The following DCDC1 variants were observed in gnomAD, a reference collection of about 807,000 sequenced individuals.
DCDC1 encodes doublecortin domain-containing protein 1.
A neutral mutation model predicts 178.3 loss-of-function variants in DCDC1; 200 were observed. The observed-to-expected ratio is 1.12, with a 90% CI of 1.00 to 1.26. The LOEUF (loss-of-function observed/expected upper bound fraction) is 1.26, where lower values mean the gene tolerates loss of function less well. Ranked by LOEUF, DCDC1 falls within the 50% of genes most tolerant of loss-of-function variation. DCDC1 has a pLI of 0.00. For synonymous variants in DCDC1, 690 were observed against 604.8 expected, an observed-to-expected ratio of 1.14 and a Z score of -2.07; for missense variants, 1,983 against 1,749.2, an observed-to-expected ratio of 1.13 and a Z score of -2.38.
chr11:31,287,648 T>C (rs1449227043), intron 7 of DCDC1, among the ~76,000 whole-genome samples: 1 of 151,944 alleles, frequency 6.6e-6, no homozygotes, highest in African/African-American at 2.4e-5. Context: ...CAAAAATCAA[T>C]GGAGCAATAC....
At chr11:30,961,181 T>A (rs1471737299) in intron 20 of DCDC1, among the ~76,000 whole-genome samples, 1 of 152,088 alleles carries the variant, frequency 6.6e-6, no homozygotes, top group African/African-American at 2.4e-5. Flanking sequence ...GAACTACAAC[T>A]ATGAAAATTT....
chr11:30,959,246 G>C (rs773938718), intron 20 of DCDC1, among the ~76,000 whole-genome samples: 41 of 152,058 alleles, frequency 2.7e-4, no homozygotes, highest in Non-Finnish European at 5.6e-4. Flanking sequence ...CCAACCCCTT[G>C]AGGCAGAATT....
At chr11:31,214,656 G>A (rs573214322) in intron 9 of DCDC1, among the ~76,000 whole-genome samples, 1 of 152,104 alleles carries the variant, frequency 6.6e-6, no homozygotes, top group African/African-American at 2.4e-5. Context: ...GATGACTGAG[G>A]TCTAATTTAA....
chr11:31,135,257 A>G (rs1345711346), intron 10 of DCDC1, among the ~76,000 whole-genome samples: 2 of 152,158 alleles, frequency 1.3e-5, no homozygotes, highest in Non-Finnish European at 2.9e-5. Context: ...TAAATTCACC[A>G]CCAAATTTTT....
chr11:31,049,218 A>T (rs1471961309), intron 20 of DCDC1, among the ~76,000 whole-genome samples: 3 of 152,182 alleles, frequency 2.0e-5, no homozygotes, highest in Non-Finnish European at 4.4e-5. Flanking sequence ...AGCTTTATAA[A>T]ATAGAAAGGA....
chr11:31,070,094 T>A (rs996184586), intron 18 of DCDC1, among the ~76,000 whole-genome samples: 4 of 152,208 alleles, frequency 2.6e-5, no homozygotes, highest in Non-Finnish European at 4.4e-5. Context: ...AATTTTCCCT[T>A]TGGAGTCATC....
intron 2 of DCDC1, among the ~76,000 whole-genome samples, chr11:31,331,214 T>G (rs1277802533): frequency 3.3e-5 from 5 of 152,240 alleles, no homozygotes; most frequent in African/African-American, 7.2e-5. Context: ...ATGCTTGTGA[T>G]TTTTGCACAT....
At chr11:31,137,401 G>A (rs564609676) in intron 10 of DCDC1, among the ~76,000 whole-genome samples, 1 of 149,252 alleles carries the variant, frequency 6.7e-6, no homozygotes, top group Admixed American at 6.7e-5. Context: ...CCAGGCTGGA[G>A]TGCAGTCGCG....
At chr11:30,884,130 C>T (rs1342279814) in intron 36 of DCDC1, among the ~76,000 whole-genome samples, 4 of 147,114 alleles carry the variant, frequency 2.7e-5, no homozygotes, top group Admixed American at 1.4e-4. Flanking sequence ...CTTCCCTAGG[C>T]TCAGGTGATC....
intron 17 of DCDC1, among the ~76,000 whole-genome samples, chr11:31,089,516 A>G (rs1435108066): frequency 2.0e-5 from 3 of 152,030 alleles, no homozygotes; most frequent in Non-Finnish European, 4.4e-5. Context: ...TATTTCCTCC[A>G]ATATTTTTCT....
At chr11:30,880,542 T>C (rs1308467899) in intron 37 of DCDC1, among the ~76,000 whole-genome samples, 1 of 152,196 alleles carries the variant, frequency 6.6e-6, no homozygotes, top group Admixed American at 6.5e-5. Flanking sequence ...TCTTTTAGTT[T>C]CCTTTAGAGT....
At chr11:31,350,117 C>G (rs1951001319) in intron 1 of DCDC1, among the ~76,000 whole-genome samples, 1 of 152,022 alleles carries the variant, frequency 6.6e-6, no homozygotes, top group African/African-American at 2.4e-5. Context: ...AAATGAATTA[C>G]TTTTTGGAAA....
chr11:31,313,921 A>T (rs1948913512), intron 3 of DCDC1, among the ~76,000 whole-genome samples: 1 of 152,192 alleles, frequency 6.6e-6, no homozygotes, highest in African/African-American at 2.4e-5. Flanking sequence ...TTTTCTTTTT[A>T]ATATTTCTGA....
intron 20 of DCDC1, among the ~76,000 whole-genome samples, chr11:31,008,925 A>G (rs1266118925): frequency 1.3e-5 from 2 of 152,212 alleles, no homozygotes; most frequent in African/African-American, 4.8e-5. Context: ...AAATAATCAC[A>G]ATGAAGGGGG....
intron 20 of DCDC1, among the ~76,000 whole-genome samples, chr11:31,058,343 A>G (rs1200840168): frequency 6.6e-6 from 1 of 152,152 alleles, no homozygotes; most frequent in African/African-American, 2.4e-5. Context: ...AGTACCCACC[A>G]TGTACCGGGT....
chr11:30,933,035 T>C (rs1214489939), intron 21 of DCDC1, among the ~76,000 whole-genome samples: 1 of 152,162 alleles, frequency 6.6e-6, no homozygotes, highest in African/African-American at 2.4e-5. Flanking sequence ...TCTGGCAGCA[T>C]CTCCTGTTAA....
chr11:31,055,762 C>A (rs1373975279), intron 20 of DCDC1, among the ~76,000 whole-genome samples: 2 of 152,082 alleles, frequency 1.3e-5, no homozygotes, highest in African/African-American at 2.4e-5. Flanking sequence ...ATGGAAAAAC[C>A]AAACATCATA....
intron 1 of DCDC1, among the ~76,000 whole-genome samples, chr11:31,349,939 T>C (rs1267733679): frequency 6.6e-6 from 1 of 152,238 alleles, no homozygotes. Flanking sequence ...GATTTTTTAT[T>C]ACCTGTTTAA....
chr11:31,187,668 T>G (rs1969664916), intron 9 of DCDC1, among the ~76,000 whole-genome samples: 1 of 152,186 alleles, frequency 6.6e-6, no homozygotes, highest in African/African-American at 2.4e-5. Flanking sequence ...AAGCTGATGT[T>G]TTTTAGCAAA....
Sources: allele counts gnomAD v4.1 joint callset (sites outside exome capture counted in the v4.1 genomes callset), GRCh38; gene constraint gnomAD v4.1.1; transcripts MANE v1.5; gene names NCBI Gene and HGNC (gene_info 2026-07-23, HGNC 2026-07-21).